Variants in DGKD observed in about 807,000 individuals in gnomAD.
DGKD encodes DAG kinase delta.
Under a neutral mutation model 154.4 loss-of-function variants are expected in DGKD, and 68 were observed. The observed-to-expected ratio is 0.44, with a 90% CI of 0.36 to 0.54. DGKD has a LOEUF of 0.54. Among genes scored for constraint, DGKD ranks in the 20% least tolerant of loss-of-function variants. The pLI is 0.00. For missense variants in DGKD, 1,343 were observed against 1,593.6 expected (o/e 0.84, Z 2.68); for synonymous variants, 693 against 638.0 (o/e 1.09, Z -1.30).
intron 3 of DGKD, among the ~76,000 whole-genome samples, chr2:233,405,536 G>GA (rs921124101): frequency 4.0e-5 from 6 of 149,666 alleles, no homozygotes; most frequent in Admixed American, 6.7e-5. Flanking sequence ...AAAAAAGAAA[G>GA]AAAAAAAAAG....
intron 1 of DGKD, among the ~76,000 whole-genome samples, chr2:233,378,264 T>C (rs1702693379): frequency 1.3e-5 from 2 of 152,088 alleles, no homozygotes; most frequent in Admixed American, 1.3e-4. Context: ...ATACAAAAAT[T>C]AGCTGGATGT....
chr2:233,470,352 C>T lies in DGKD; in HGVS notation c.*892C>T, dbSNP rs768817448. On this transcript the variant is annotated 3_prime_UTR_variant, in exon 30 of 30. Transcript: ENST00000264057. ...CTCTGGGAAACTTTTTCTGCCCATT[C>T]TGTGGTTCCCAGGGAGCGTGGCCCT... 1 of 152,532 alleles carries T rather than the reference C, an allele frequency of 6.6e-6. No individual in the cohort carries two copies. Among genetic ancestry groups the T allele is most frequent in the Non-Finnish European group, 1.5e-5 (1 of 68,164 alleles). 9.4% of individuals were successfully genotyped at this position (152,532 alleles called of 1,614,324 possible).
chr2:233,390,469 A>G lies in DGKD; in HGVS notation c.334A>G (p.Asn112Asp). ...AGCTGAATCCAGTACCAAAAACGTCAACAACAGTTTTACGGTAAGATTCCT... is the reference window on the plus strand; with the variant it reads ...AGCTGAATCCAGTACCAAAAACGTCGACAACAGTTTTACGGTAAGATTCCT... Reference protein sequence around the residue: ...SVAESSTKNVNNSFTVITPCR... With the variant: ...SVAESSTKNVDNSFTVITPCR... The change falls in exon 3 of 30, where the codon AAC (asparagine) becomes GAC (aspartate). Residue 112 changes from asparagine to aspartate, a missense_variant. Around this residue, in one of 6 missense-constraint regions of DGKD, gnomAD observed 332 missense variants for 400.1 expected, o/e 0.83. Transcript: ENST00000264057. The G allele has an allele frequency of 6.2e-7, 1 of 1,613,948 alleles. No homozygotes were observed. The highest frequency in any genetic ancestry group is 8.5e-7 in the Non-Finnish European group (1 of 1,179,876).
chr2:233,468,297 C>T (rs944292088), intron 28 of DGKD, 126 bp from the exon 29 acceptor site: 18 of 1,190,610 alleles, frequency 1.5e-5, no homozygotes, highest in African/African-American at 3.1e-5. Flanking sequence ...TGGGCTGTCT[C>T]GGGTGCTGGC....
In DGKD at chr2:233,432,204, A is replaced by C. The variant is rs1038837352; in HGVS notation, c.349-2176A>C. On this transcript the variant is annotated intron_variant, in intron 3 of 29. Coordinates refer to ENST00000264057, the MANE Select transcript of DGKD (RefSeq NM_152879.3). ...CAGGAGATCGTGACCATCCTGGCTA[A>C]CACGGTGAAACCTCGTCTCTATTAA... 3.0e-5 allele frequency among the ~76,000 whole-genome samples: 3 copies of C among 99,424 alleles called. No individual in the cohort carries two copies. In the Admixed American group the frequency reaches 3.3e-4, roughly 11 times the overall value. 65.2% of individuals were successfully genotyped at this position (99,424 alleles called of 152,430 possible).
chr2:233,379,177 G>A (rs1003333580), intron 1 of DGKD, among the ~76,000 whole-genome samples: 1 of 152,172 alleles, frequency 6.6e-6, no homozygotes, highest in Admixed American at 6.5e-5. Context: ...TTCTGCCTGG[G>A]GGGAGGTGAT....
At chr2:233,410,898 C>T (rs534721112) in intron 3 of DGKD, among the ~76,000 whole-genome samples, 1 of 152,240 alleles carries the variant, frequency 6.6e-6, no homozygotes, top group African/African-American at 2.4e-5. Flanking sequence ...CACAGGCAAA[C>T]ATGGATGGAT....
In DGKD at chr2:233,429,405, A is replaced by T. The variant is rs190601859; in HGVS notation, c.349-4975A>T. On this transcript the variant is annotated intron_variant, in intron 3 of 29. Transcript: ENST00000264057. The stretch of plus-strand genomic sequence containing the variant: ...TTCGGGACGTGTGCTCAGACTTGAT[A>T]GGTAGACAGGGACGGTGCCGATGAC... 31 of 847,354 alleles carry T rather than the reference A, an allele frequency of 3.7e-5. No individual in the cohort carries two copies. In the East Asian group the frequency reaches 3.5e-3, roughly 97 times the overall value. The allele number at this position is 847,354 out of a possible 1,614,324, so 52.5% of individuals were successfully genotyped here.
chr2:233,388,516 G>T (rs1384689069), intron 2 of DGKD, 149 bp downstream of exon 2: 1 of 626,312 alleles, frequency 1.6e-6, no homozygotes, highest in Non-Finnish European at 2.6e-6. Context: ...ACGCTGTCAG[G>T]TTTTACTTGT....
At position 233,452,912 on chromosome 2, in the gene DGKD, A is replaced by C. The variant is rs1185612900; in HGVS notation, c.2264+852A>C. 6.6e-6 allele frequency among the ~76,000 whole-genome samples: 1 copy of C among 152,100 alleles called. No individual in the cohort carries two copies. The highest frequency in any genetic ancestry group is 2.4e-5 in the African/African-American group (1 of 41,410). On this transcript the variant is annotated intron_variant, in intron 18 of 29. Coordinates refer to ENST00000264057, the MANE Select transcript of DGKD (RefSeq NM_152879.3). The surrounding 1 kb of genome is among the most constrained non-coding windows in gnomAD (Gnocchi z 4.0). ...GGTTCACAGAGGCTCTGGGTTTGGG[A>C]AAGTGGACCCCTAGATTCCAGGTGC...
At chr2:233,362,619 A>G (rs1264259825) in intron 1 of DGKD, among the ~76,000 whole-genome samples, 1 of 152,204 alleles carries the variant, frequency 6.6e-6, no homozygotes, top group Non-Finnish European at 1.5e-5. Context: ...CCATTACACT[A>G]CAGCCTGGGC....
chr2:233,362,871 A>C (rs1208259152), intron 1 of DGKD, among the ~76,000 whole-genome samples: 2 of 152,158 alleles, frequency 1.3e-5, no homozygotes, highest in Admixed American at 6.5e-5. Flanking sequence ...CCAATTGTCT[A>C]GTGACGTGGT....
At chr2:233,429,671 G>A (rs984026630) in intron 3 of DGKD, among the ~76,000 whole-genome samples, 3 of 152,170 alleles carry the variant, frequency 2.0e-5, no homozygotes, top group Non-Finnish European at 2.9e-5. Flanking sequence ...CTGCTGAGCC[G>A]GGGGGTGTCC....
At position 233,354,616 on chromosome 2, in the gene DGKD, C is replaced by A; in HGVS notation, c.98C>A (p.Pro33His). ...ESSDSEPEAE[P>H]GSPQKLIRKV... ...TCCGACAGCGAGCCCGAGGCGGAGC[C>A]CGGCTCCCCACAGAAGCTCATCCGC... The change falls in exon 1 of 30, where the codon CCC becomes CAC. Residue 33 changes from proline (P) to histidine (H), a missense_variant. Transcript: ENST00000264057. This position sits in a 1 kb window ranked among gnomAD's most constrained non-coding sequence, Gnocchi z 4.8. 1 of 1,129,034 alleles carries A rather than the reference C, an allele frequency of 8.9e-7. No homozygotes were observed. The highest frequency in any genetic ancestry group is 1.1e-6 in the Non-Finnish European group (1 of 904,684). The allele number at this position is 1,129,034 out of a possible 1,614,324, so 69.9% of individuals were successfully genotyped here.
intron 1 of DGKD, among the ~76,000 whole-genome samples, chr2:233,366,555 A>G (rs1488600960): frequency 6.6e-6 from 1 of 152,166 alleles, no homozygotes; most frequent in Non-Finnish European, 1.5e-5. Flanking sequence ...GCTCTGCTGC[A>G]TGCTATCCTG....
At chr2:233,382,765 T>C (rs1447641033) in intron 1 of DGKD, among the ~76,000 whole-genome samples, 3 of 152,032 alleles carry the variant, frequency 2.0e-5, no homozygotes, top group Non-Finnish European at 2.9e-5. Context: ...TGATTAACTA[T>C]ATTTTTCCCT....
chr2:233,462,477 T>C lies in DGKD; in HGVS notation c.3093+18T>C, dbSNP rs778268345. 2.4e-5 allele frequency: 38 copies of C among 1,586,608 alleles called. 2 individuals carry two copies. In the South Asian group the frequency reaches 3.9e-4, roughly 16 times the overall value. On this transcript the variant is annotated intron_variant, in intron 25 of 29. Transcript: ENST00000264057. ...CCACAGAGGTAGCTATTCTGGCCTT[T>C]TCAGTCCTGGCTTCTTCTCAGTGTC...
chr2:233,448,986 T>G, intron 14 of DGKD, 117 bp from the exon 15 acceptor site: 1 of 1,319,746 alleles, frequency 7.6e-7, no homozygotes, highest in Middle Eastern at 2.7e-4. Context: ...CGTGGAGAGT[T>G]AGGATTTTCC....
chr2:233,382,536 C>T (rs1428557625), intron 1 of DGKD, among the ~76,000 whole-genome samples: 1 of 152,068 alleles, frequency 6.6e-6, no homozygotes, highest in Non-Finnish European at 1.5e-5. Context: ...CAGCTGTCTG[C>T]CTGCAGCCCC....
Sources: gnomAD v4.1 joint callset for allele counts (sites outside exome capture counted in the v4.1 genomes callset) on GRCh38, gnomAD v4.1.1 for gene constraint, gnomAD v4.1.1 regional missense constraint, Gnocchi (gnomAD v3.1) non-coding constraint, MANE v1.5 for transcripts, NCBI Gene and HGNC (gene_info 2026-07-23, HGNC 2026-07-21) for gene names.